The following TF variants were observed in gnomAD, a reference collection of about 807,000 sequenced individuals.
TF encodes the protein transferrin, also known as serotransferrin.
A neutral mutation model predicts 82.4 loss-of-function variants in TF; 55 were observed. That is an observed-to-expected ratio of 0.67 (90% CI 0.54 to 0.84). TF has a LOEUF of 0.84. Among genes scored for constraint, TF ranks in the 40% least tolerant of loss-of-function variants. The probability of loss-of-function intolerance (pLI) is 0.00; values close to 1 mark genes in which losing one functional copy is unlikely to be tolerated. For missense variants in TF, 737 were observed against 868.4 expected (o/e 0.85, Z 1.90); for synonymous variants, 332 against 332.6 (o/e 1.00, Z 0.02).
the TF span, among the ~76,000 whole-genome samples, chr3:133,675,630 A>G: frequency 6.6e-6 from 1 of 152,210 alleles, no homozygotes; most frequent in Non-Finnish European, 1.5e-5. Context: ...TATAACAGGT[A>G]AAATTAGCCT....
the TF span, among the ~76,000 whole-genome samples, chr3:133,693,828 G>C: frequency 6.6e-6 from 1 of 152,244 alleles, no homozygotes; most frequent in South Asian, 2.1e-4. Flanking sequence ...TGTGTTTAGA[G>C]TTCAGCCTGG....
At chr3:133,773,857 TG>T (rs984804919) in intron 14 of TF, 5 of 152,222 alleles carry the variant, frequency 3.3e-5, no homozygotes, top group Admixed American at 3.3e-4. Context: ...CCCTACTGCC[TG>T]AGATGGTTCC....
At chr3:133,724,264 T>A in the TF span, among the ~76,000 whole-genome samples, 1 of 152,220 alleles carries the variant, frequency 6.6e-6, no homozygotes, top group Admixed American at 6.5e-5. Context: ...TAGTTTACAG[T>A]TCCACCAACA....
In TF at chr3:133,775,630, C is replaced by A; in HGVS notation, c.1872+13C>A. ...ACGTCAACAGCAGGTATGGACCAGC[C>A]AGGTCCTCCCACCTTTTCTTCCTAG... On this transcript the variant is annotated intron_variant, in intron 15 of 16. Transcript: ENST00000402696. 2 of 1,613,466 alleles carry A rather than the reference C, an allele frequency of 1.2e-6. No individual in the cohort carries two copies. Among genetic ancestry groups the A allele is most frequent in the South Asian group, 1.1e-5 (1 of 91,054 alleles).
Position 133,754,681 on chromosome 3 carries a change from C to T in TF, c.502+10C>T. On this transcript the variant is annotated intron_variant, in intron 4 of 16. Coordinates refer to ENST00000402696, the MANE Select transcript of TF (RefSeq NM_001063.4). Reference sequence around the variant, plus strand: ...AAACCTCTTGAGAAAGGTAAGCTGGCAGGAGTCTGGGTGCCCTCGAGCAGC... The same window carrying T: ...AAACCTCTTGAGAAAGGTAAGCTGGTAGGAGTCTGGGTGCCCTCGAGCAGC... 6.2e-7 allele frequency: 1 copy of T among 1,614,084 alleles called. No homozygotes were observed. The highest frequency in any genetic ancestry group is 8.5e-7 in the Non-Finnish European group (1 of 1,179,996).
At chr3:133,712,961 C>T in the TF span, among the ~76,000 whole-genome samples, 1 of 152,250 alleles carries the variant, frequency 6.6e-6, no homozygotes, top group Admixed American at 6.5e-5. Context: ...TCCAATGACT[C>T]AAGTCCTGCT....
chr3:133,735,018 T>G, the TF span, among the ~76,000 whole-genome samples: 1 of 152,158 alleles, frequency 6.6e-6, no homozygotes, highest in Admixed American at 6.5e-5. Flanking sequence ...ACCTAACACT[T>G]TTTTAGACAA....
intron 16 of TF, 142 bp from the exon 17 acceptor site, chr3:133,778,444 C>T (rs181862531): frequency 6.6e-5 from 54 of 818,024 alleles, no homozygotes; most frequent in Non-Finnish European, 8.7e-5. Flanking sequence ...GAAAAGAGCA[C>T]TGGGAGAACG....
the TF span, among the ~76,000 whole-genome samples, chr3:133,722,715 C>A: frequency 6.6e-6 from 1 of 152,152 alleles, no homozygotes; most frequent in African/African-American, 2.4e-5. Context: ...TAATTTACTT[C>A]TTTATCTATG....
chr3:133,726,908 G>A, the TF span, among the ~76,000 whole-genome samples: 82 of 152,040 alleles, frequency 5.4e-4, no homozygotes, highest in African/African-American at 1.3e-3. Flanking sequence ...CCTTCATTTT[G>A]TTATGTACCC....
intron 1 of TF, 40 bp from the exon 2 acceptor site, chr3:133,748,372 T>C (rs547475301): frequency 1.2e-6 from 2 of 1,612,210 alleles, no homozygotes; most frequent in Admixed American, 3.3e-5. Flanking sequence ...TCCCTCAGCA[T>C]AGGGAGTGGG....
the TF span, among the ~76,000 whole-genome samples, chr3:133,730,067 C>T: frequency 6.6e-6 from 1 of 152,206 alleles, no homozygotes; most frequent in Non-Finnish European, 1.5e-5. Flanking sequence ...GATATCAGCA[C>T]ATCTAGCGAA....
chr3:133,703,901 A>C, the TF span, among the ~76,000 whole-genome samples: 1 of 152,172 alleles, frequency 6.6e-6, no homozygotes, highest in Non-Finnish European at 1.5e-5. Context: ...GCATTTCCTG[A>C]GTCTGGCCAT....
At position 133,794,084 on chromosome 3, in the gene TF, C is replaced by T. The variant is rs1428660659; in HGVS notation, c.*15464C>T. The T allele has an allele frequency of 6.6e-6, 1 of 152,092 alleles. No homozygotes were observed. The highest frequency in any genetic ancestry group is 2.4e-5 in the African/African-American group (1 of 41,408). The allele number at this position is 152,092 out of a possible 1,614,324, so 9.4% of individuals were successfully genotyped here. Reference sequence around the variant, plus strand: ...CCCATCAGTTATCAGTGTTATGCACCTAATTTGGGGAAACAACTGGTATTC... The same window carrying T: ...CCCATCAGTTATCAGTGTTATGCACTTAATTTGGGGAAACAACTGGTATTC... On this transcript the variant is annotated 3_prime_UTR_variant, in exon 17 of 17. Transcript: ENST00000402696.
chr3:133,680,893 T>A, the TF span, among the ~76,000 whole-genome samples: 7 of 152,284 alleles, frequency 4.6e-5, no homozygotes, highest in East Asian at 1.9e-4. Flanking sequence ...GACAGTTTTT[T>A]TAAAAAATCT....
chr3:133,726,927 T>C, the TF span, among the ~76,000 whole-genome samples: 57 of 152,306 alleles, frequency 3.7e-4, no homozygotes, highest in Non-Finnish European at 7.8e-4. Flanking sequence ...CCAGTAGTCA[T>C]TCAGGAGCAG....
chr3:133,737,431 CA>C, the TF span, among the ~76,000 whole-genome samples: 1 of 151,842 alleles, frequency 6.6e-6, no homozygotes, highest in African/African-American at 2.4e-5. Flanking sequence ...CAAACACATT[CA>C]AAAGCTAGAA....
At chr3:133,702,264 A>C in the TF span, among the ~76,000 whole-genome samples, 1 of 151,140 alleles carries the variant, frequency 6.6e-6, no homozygotes, top group Admixed American at 6.6e-5. Context: ...GCAGAAACAC[A>C]GAGCCAATCC....
the TF span, among the ~76,000 whole-genome samples, chr3:133,679,513 G>A: frequency 2.8e-5 from 4 of 142,282 alleles, no homozygotes; most frequent in Admixed American, 7.1e-5. Flanking sequence ...GATAAGTTTC[G>A]TCTTTTCTAG....
Sources: gnomAD v4.1 joint callset for allele counts (sites outside exome capture counted in the v4.1 genomes callset) on GRCh38, gnomAD v4.1.1 for gene constraint, MANE v1.5 for transcripts, NCBI Gene and HGNC (gene_info 2026-07-23, HGNC 2026-07-21) for gene names.